MEF2A: variants seen among roughly 807,000 people sequenced by gnomAD.
MEF2A encodes myocyte enhancer factor 2A.
A neutral mutation model predicts 55.8 loss-of-function variants in MEF2A; 28 were observed. The observed-to-expected ratio is 0.50, with a 90% CI of 0.37 to 0.69. The LOEUF is 0.69. Ranked by LOEUF, MEF2A falls within the 30% of genes least tolerant of loss-of-function variation. The pLI, the probability that MEF2A is intolerant of heterozygous loss-of-function variation, is 0.00. For missense variants in MEF2A, 528 were observed against 626.2 expected (o/e 0.84, Z 1.67); for synonymous variants, 239 against 227.1 (o/e 1.05, Z -0.47).
chr15:99,681,644 G>C (rs951694095), intron 7 of MEF2A: 2 of 152,194 alleles, frequency 1.3e-5, no homozygotes, highest in African/African-American at 4.8e-5. Flanking sequence ...AAAAGAAGCA[G>C]ACCCCATGAG....
At chr15:99,679,323 A>G (rs867794986) in intron 7 of MEF2A, among the ~76,000 whole-genome samples, 1 of 152,258 alleles carries the variant, frequency 6.6e-6, no homozygotes, top group African/African-American at 2.4e-5. Context: ...AATAGTACAG[A>G]TCTCTGTCAA....
chr15:99,675,608 C>G, intron 7 of MEF2A, 150 bp downstream of exon 7: 1 of 644,676 alleles, frequency 1.6e-6, no homozygotes, highest in Non-Finnish European at 2.7e-6. Flanking sequence ...GGGAGACTTT[C>G]TCTAACTTCC....
chr15:99,572,013 G>GTTTT (rs36027608), intron 1 of MEF2A, among the ~76,000 whole-genome samples: 14 of 128,372 alleles, frequency 1.1e-4, no homozygotes, highest in East Asian at 2.2e-4. Flanking sequence ...CTCCATAGAA[G>GTTTT]TTTTTTTTTT....
In MEF2A at chr15:99,685,211, T is replaced by C. The variant is rs561761512; in HGVS notation, c.671-5030T>C. The stretch of plus-strand genomic sequence containing the variant: ...TTCCATAGGAATTTTAGGATTTTTT[T>C]CCCCCCTAGTTCTGTGAAGAATGAT... On this transcript the variant is annotated intron_variant, in intron 7 of 11. Coordinates refer to ENST00000557942, the MANE Select transcript of MEF2A (RefSeq NM_001319206.4). 1.1e-4 allele frequency among the ~76,000 whole-genome samples: 17 copies of C among 152,202 alleles called. No individual in the cohort carries two copies. In the East Asian group the frequency reaches 1.5e-3, roughly 14 times the overall value.
rs113825540 is a variant in MEF2A at position 99,673,348 on chromosome 15, C to T, written c.391-1045C>T. Among the ~76,000 whole-genome samples the T allele has an allele frequency of 3.0e-4, 45 of 152,200 alleles. No homozygotes were observed. In the South Asian group the frequency reaches 9.3e-3, roughly 32 times the overall value. ...GTTAATGTTAAAGCTGCAAAGATAT[C>T]GCACAAATAAAAGTGTTTTACTTTT... On this transcript the variant is annotated intron_variant, in intron 5 of 11. Coordinates refer to ENST00000557942, the MANE Select transcript of MEF2A (RefSeq NM_001319206.4).
chr15:99,678,844 G>A (rs181935436), intron 7 of MEF2A: 2 of 188,654 alleles, frequency 1.1e-5, no homozygotes, highest in Admixed American at 1.3e-4. Context: ...CAGAATGGGA[G>A]AATATATATA....
chr15:99,645,486 A>T (rs1017808421), intron 3 of MEF2A, 75 bp from the exon 4 acceptor site: 1 of 1,098,248 alleles, frequency 9.1e-7, no homozygotes, highest in Non-Finnish European at 1.3e-6. Flanking sequence ...ATTAAGAAGA[A>T]GATTCATCTT....
chr15:99,657,111 G>A (rs1380499082), intron 4 of MEF2A, among the ~76,000 whole-genome samples: 1 of 152,020 alleles, frequency 6.6e-6, no homozygotes, highest in Non-Finnish European at 1.5e-5. Context: ...AGGTCCATCC[G>A]TATGGTAGCT....
intron 3 of MEF2A, among the ~76,000 whole-genome samples, chr15:99,641,512 AG>A (rs2044932109): frequency 6.6e-6 from 1 of 152,164 alleles, no homozygotes; most frequent in African/African-American, 2.4e-5. Context: ...TCACGAGGTC[AG>A]GAGATCGAGA....
At chr15:99,615,209 G>A (rs1481298177) in intron 2 of MEF2A, among the ~76,000 whole-genome samples, 9 of 152,144 alleles carry the variant, frequency 5.9e-5, no homozygotes, top group Non-Finnish European at 1.3e-4. Flanking sequence ...AAGTTGAGTA[G>A]TTGAGAATGT....
chr15:99,684,236 G>T (rs1036784572), intron 7 of MEF2A, among the ~76,000 whole-genome samples: 1 of 152,136 alleles, frequency 6.6e-6, no homozygotes, highest in Admixed American at 6.5e-5. Context: ...CCCAGTAGTG[G>T]GATTGCTAGA....
chr15:99,576,760 C>T (rs1964416262), intron 1 of MEF2A, among the ~76,000 whole-genome samples: 3 of 151,866 alleles, frequency 2.0e-5, no homozygotes, highest in South Asian at 4.2e-4. Flanking sequence ...CCTGCCTCAG[C>T]CTCCTGAGTA....
At chr15:99,669,121 CT>C (rs1403144558) in intron 4 of MEF2A, among the ~76,000 whole-genome samples, 1 of 152,156 alleles carries the variant, frequency 6.6e-6, no homozygotes, top group Non-Finnish European at 1.5e-5. Context: ...AAGCTGCCTT[CT>C]TTTTTCTCTG....
At chr15:99,627,584 T>C (rs1474791958) in intron 2 of MEF2A, among the ~76,000 whole-genome samples, 1 of 152,194 alleles carries the variant, frequency 6.6e-6, no homozygotes, top group Non-Finnish European at 1.5e-5. Flanking sequence ...TCTAACAAAC[T>C]GGTATATGTG....
chr15:99,623,723 C>T (rs1246875813), intron 2 of MEF2A, among the ~76,000 whole-genome samples: 2 of 151,302 alleles, frequency 1.3e-5, no homozygotes, highest in Non-Finnish European at 2.9e-5. Context: ...AGTCCTTTGC[C>T]CATTTTTAAA....
chr15:99,660,933 A>G (rs1311561674), intron 4 of MEF2A, among the ~76,000 whole-genome samples: 1 of 152,236 alleles, frequency 6.6e-6, no homozygotes, highest in African/African-American at 2.4e-5. Context: ...CAGAGAAAAT[A>G]GAACAGAAGA....
chr15:99,595,152 C>T (rs568478986), intron 1 of MEF2A, among the ~76,000 whole-genome samples: 3 of 152,204 alleles, frequency 2.0e-5, no homozygotes, highest in Non-Finnish European at 4.4e-5. Context: ...TTAGTATTTG[C>T]GTTCCCTCTT....
rs1430567215 is a variant in MEF2A, at chr15:99,697,269, A to G, written c.859-6093A>G. 2.6e-5 allele frequency among the ~76,000 whole-genome samples: 4 copies of G among 152,098 alleles called. 1 individual carries two copies. The highest frequency in any genetic ancestry group is 5.9e-5 in the Non-Finnish European group (4 of 67,992). The stretch of plus-strand genomic sequence containing the variant: ...AGGCAAAAATAAATGAATAAAATGC[A>G]TATATATCGGGAAGAGAGAAATTAA... On this transcript the variant is annotated intron_variant, in intron 8 of 11. Coordinates refer to ENST00000557942, the MANE Select transcript of MEF2A (RefSeq NM_001319206.4).
intron 4 of MEF2A, among the ~76,000 whole-genome samples, chr15:99,649,929 C>T: frequency 6.6e-6 from 1 of 152,050 alleles, no homozygotes. Context: ...AATATTTCTG[C>T]TTATAATTTT....
Sources: allele counts gnomAD v4.1 joint callset (sites outside exome capture counted in the v4.1 genomes callset), GRCh38; gene constraint gnomAD v4.1.1; transcripts MANE v1.5; gene names NCBI Gene and HGNC (gene_info 2026-07-23, HGNC 2026-07-21).